The following GRIA1 variants were observed in gnomAD, a reference collection of about 807,000 sequenced individuals.
GRIA1 encodes glutamate receptor 1.
GRIA1 carries 31 observed loss-of-function variants against 99.2 expected under a neutral mutation model. The ratio of observed to expected loss-of-function variants is 0.31; its 90% CI spans 0.23 to 0.42. The LOEUF (loss-of-function observed/expected upper bound fraction) is 0.42, where lower values mean the gene tolerates loss of function less well. Ranked by LOEUF, GRIA1 falls within the 10% of genes least tolerant of loss-of-function variation. The pLI, the probability that GRIA1 is intolerant of heterozygous loss-of-function variation, is 1.00. For missense variants in GRIA1, 782 were observed against 1,157.5 expected (o/e 0.68, Z 4.71); for synonymous variants, 438 against 432.4 (o/e 1.01, Z -0.16).
chr5:153,569,450 T>C (rs549664554), intron 2 of GRIA1, among the ~76,000 whole-genome samples: 1 of 152,344 alleles, frequency 6.6e-6, no homozygotes, highest in South Asian at 2.1e-4. Context: ...AACCACTGTA[T>C]TCTGTGGGAC....
chr5:153,695,197 A>G (rs1482720173), intron 8 of GRIA1, among the ~76,000 whole-genome samples: 2 of 152,234 alleles, frequency 1.3e-5, no homozygotes. Context: ...TGTAAAGCAG[A>G]GAAAATAATC....
intron 14 of GRIA1, among the ~76,000 whole-genome samples, chr5:153,801,053 A>G (rs1765988882): frequency 6.6e-6 from 1 of 152,272 alleles, no homozygotes; most frequent in South Asian, 2.1e-4. Flanking sequence ...AAGGTGTTAG[A>G]GCTGCCATGA....
chr5:153,754,454 AAACAAC>A (rs201682146), intron 11 of GRIA1, among the ~76,000 whole-genome samples: 22 of 152,072 alleles, frequency 1.4e-4, no homozygotes, highest in African/African-American at 3.4e-4. Flanking sequence ...AGGCTGCTAT[AAACAAC>A]AACAACAACA....
intron 13 of GRIA1, among the ~76,000 whole-genome samples, chr5:153,773,784 C>T (rs1279504108): frequency 6.6e-6 from 1 of 152,116 alleles, no homozygotes; most frequent in Non-Finnish European, 1.5e-5. Context: ...TGGTCATATG[C>T]TCCTGTCTTC....
At chr5:153,640,019 C>T (rs1396568296) in intron 2 of GRIA1, among the ~76,000 whole-genome samples, 1 of 152,184 alleles carries the variant, frequency 6.6e-6, no homozygotes, top group Admixed American at 6.5e-5. Flanking sequence ...ATTTACTTCT[C>T]CACAATCATG....
At chr5:153,672,538 G>T (rs1470732142) in intron 5 of GRIA1, among the ~76,000 whole-genome samples, 1 of 151,628 alleles carries the variant, frequency 6.6e-6, no homozygotes, top group East Asian at 1.9e-4. Context: ...AAGGACAAAA[G>T]CTCTGAGTGT....
chr5:153,525,672 G>A (rs961604648), intron 2 of GRIA1: 2 of 152,116 alleles, frequency 1.3e-5, no homozygotes, highest in Non-Finnish European at 2.9e-5. Flanking sequence ...TAGTGGGAAG[G>A]CAAAACTTGG....
chr5:153,797,814 TG>T (rs1416859780), intron 14 of GRIA1, among the ~76,000 whole-genome samples: 1 of 152,200 alleles, frequency 6.6e-6, no homozygotes, highest in Non-Finnish European at 1.5e-5. Context: ...ATTAGAACAA[TG>T]GGCCAGTTCT....
intron 13 of GRIA1, among the ~76,000 whole-genome samples, chr5:153,774,078 CCA>C (rs199597266): frequency 3.4e-5 from 3 of 87,978 alleles, no homozygotes; most frequent in Non-Finnish European, 4.5e-5. Context: ...CCCCCTCCCC[CCA>C]CACACACACA....
chr5:153,722,566 C>G (rs2149542283), intron 11 of GRIA1, among the ~76,000 whole-genome samples: 2 of 152,284 alleles, frequency 1.3e-5, no homozygotes, highest in East Asian at 3.9e-4. Context: ...ATTTTAATGT[C>G]ATCCTTTCTT....
rs544103709 is a variant in GRIA1, at chr5:153,706,171, A to T, written c.1823+104A>T. ...GAAAAGTAAAGAGATGAATTATTTC[A>T]GACCACTGTATTCAGTTTTTCAACT... On this transcript the variant is annotated intron_variant, in intron 11 of 15. Coordinates refer to ENST00000285900, the MANE Select transcript of GRIA1 (RefSeq NM_000827.4). The T allele has an allele frequency of 3.6e-4, 400 of 1,102,364 alleles. 5 individuals are homozygous for T. The South Asian group carries it at 5.1e-3, about 14-fold the overall frequency. The allele number at this position is 1,102,364 out of a possible 1,614,324, so 68.3% of individuals were successfully genotyped here.
chr5:153,729,964 A>C (rs1760888436), intron 11 of GRIA1, among the ~76,000 whole-genome samples: 2 of 152,136 alleles, frequency 1.3e-5, no homozygotes, highest in Admixed American at 6.6e-5. Flanking sequence ...ATTATTGTTT[A>C]CTTAATTGAG....
chr5:153,489,978 C>T (rs1581117256), upstream of GRIA1: 1 of 382,928 alleles, frequency 2.6e-6, no homozygotes, highest in South Asian at 2.0e-5. Context: ...TAAAGGTAGA[C>T]AGGGACTGTC....
intron 4 of GRIA1, among the ~76,000 whole-genome samples, chr5:153,653,766 C>T (rs914551492): frequency 6.6e-6 from 1 of 152,152 alleles, no homozygotes; most frequent in African/African-American, 2.4e-5. Flanking sequence ...AATGCTGTTT[C>T]CCCAGCACAT....
At chr5:153,596,296 T>C (rs977112740) in intron 2 of GRIA1, among the ~76,000 whole-genome samples, 1 of 152,186 alleles carries the variant, frequency 6.6e-6, no homozygotes, top group Non-Finnish European at 1.5e-5. Context: ...CTTTGAAAAA[T>C]GTATGCAAGA....
chr5:153,491,104 A>C, intron 1 of GRIA1, 134 bp downstream of exon 1: 2 of 1,057,616 alleles, frequency 1.9e-6, no homozygotes, highest in East Asian at 2.4e-5. Flanking sequence ...CGGTAACAGA[A>C]GGGAGACTTG....
chr5:153,725,288 A>C (rs1289607646), intron 11 of GRIA1, among the ~76,000 whole-genome samples: 2 of 151,840 alleles, frequency 1.3e-5, no homozygotes, highest in Non-Finnish European at 2.9e-5. Flanking sequence ...AGCCACTGCA[A>C]AATCATGCCA....
At chr5:153,663,272 A>C (rs1755504353) in intron 5 of GRIA1, among the ~76,000 whole-genome samples, 1 of 152,232 alleles carries the variant, frequency 6.6e-6, no homozygotes, top group African/African-American at 2.4e-5. Flanking sequence ...TTGTAAAGTC[A>C]TTTGACTAAA....
intron 13 of GRIA1, among the ~76,000 whole-genome samples, chr5:153,781,819 AT>A (rs1257458773): frequency 1.3e-5 from 2 of 152,148 alleles, no homozygotes; most frequent in Non-Finnish European, 2.9e-5. Flanking sequence ...CATTCCAAGT[AT>A]AGTATTTTCA....
Sources: gnomAD v4.1 joint callset for allele counts (sites outside exome capture counted in the v4.1 genomes callset) on GRCh38, gnomAD v4.1.1 for gene constraint, MANE v1.5 for transcripts, NCBI Gene and HGNC (gene_info 2026-07-23, HGNC 2026-07-21) for gene names.